CIAPIN1: variants seen among roughly 807,000 people sequenced by gnomAD.
CIAPIN1 encodes anamorsin.
A neutral mutation model predicts 34.3 loss-of-function variants in CIAPIN1; 18 were observed. The ratio of observed to expected loss-of-function variants is 0.52; its 90% CI spans 0.36 to 0.78. The LOEUF (loss-of-function observed/expected upper bound fraction) is 0.78. CIAPIN1 is among the 30% of genes least tolerant of loss of function. The pLI is 0.00. For missense variants in CIAPIN1, 310 were observed against 372.5 expected (o/e 0.83, Z 1.38); for synonymous variants, 131 against 140.4 (o/e 0.93, Z 0.47).
intron 1 of CIAPIN1, among the ~76,000 whole-genome samples, chr16:57,444,349 G>GCACA (rs1221506084): frequency 6.6e-6 from 1 of 152,168 alleles, no homozygotes; most frequent in Non-Finnish European, 1.5e-5. Context: ...GCAGGCTCTG[G>GCACA]CACACAGAGC....
intron 8 of CIAPIN1, among the ~76,000 whole-genome samples, chr16:57,429,659 T>C (rs1211146831): frequency 2.6e-5 from 4 of 151,686 alleles, no homozygotes; most frequent in African/African-American, 9.7e-5. Flanking sequence ...GCCCGGCAAA[T>C]TTTTTTGTAT....
intron 2 of CIAPIN1, 151 bp downstream of exon 2, chr16:57,440,621 G>A (rs917202209): frequency 1.0e-4 from 80 of 797,354 alleles, no homozygotes; most frequent in Admixed American, 2.4e-4. Context: ...TGGTTCCTCC[G>A]ATATATCTCA....
chr16:57,436,835 C>A, intron 3 of CIAPIN1, 103 bp from the exon 4 acceptor site: 1 of 832,322 alleles, frequency 1.2e-6, no homozygotes, highest in Admixed American at 2.4e-5. Flanking sequence ...ACAATAATAA[C>A]CAGGTGGGCG....
In CIAPIN1 at chr16:57,439,439, A is replaced by G; in HGVS notation, c.158-105T>C. 4 of 1,127,588 alleles carry G rather than the reference A, an allele frequency of 3.5e-6. No homozygotes were observed. In the South Asian group the frequency reaches 5.5e-5, roughly 16 times the overall value. 69.8% of individuals were successfully genotyped at this position (1,127,588 alleles called of 1,614,324 possible). A position where few individuals can be genotyped will look rare whatever the true frequency, so the allele number is the denominator to read the frequency against. ...TACAGACCTCACCCTGAGAGAATGG[A>G]CACCACTCGATATCCATCCAAGAAG... On this transcript the variant is annotated intron_variant, in intron 2 of 8. Coordinates refer to ENST00000394391, the MANE Select transcript of CIAPIN1 (RefSeq NM_020313.4).
intron 2 of CIAPIN1, 142 bp from the exon 3 acceptor site, chr16:57,439,476 G>T: frequency 2.6e-6 from 2 of 779,826 alleles, no homozygotes; most frequent in South Asian, 1.9e-5. Context: ...TGGATGAATA[G>T]TAAGTGTTTT....
intron 7 of CIAPIN1, 84 bp from the exon 8 acceptor site, chr16:57,430,423 G>T: frequency 7.7e-7 from 1 of 1,306,028 alleles, no homozygotes; most frequent in Non-Finnish European, 1.1e-6. Flanking sequence ...TGTGCTTTAA[G>T]CCTTTTCTCT....
rs147933186 is a variant in CIAPIN1, at chr16:57,434,830, T to C, written c.388-618A>G. Among the ~76,000 whole-genome samples, 3 of 152,344 alleles carry C rather than the reference T, an allele frequency of 2.0e-5. No homozygotes were observed. The East Asian group carries it at 5.8e-4, about 29-fold the overall frequency. On this transcript the variant is annotated intron_variant, in intron 4 of 8. Transcript: ENST00000394391. ...GTGATTGAACAATGTATACTTATGA[T>C]CTTATTTACATTTTTAAAAAAGTAT...
At chr16:57,430,563 C>G (rs1733022295) in intron 7 of CIAPIN1, 4 of 474,882 alleles carry the variant, frequency 8.4e-6, no homozygotes, top group Non-Finnish European at 1.5e-5. Flanking sequence ...CAGAGGGCAG[C>G]CACTACTCAA....
At chr16:57,433,544 C>T (rs529317646) in intron 5 of CIAPIN1, 4,897 of 155,748 alleles carry the variant, frequency 0.031, 257 homozygotes, top group African/African-American at 0.12. Flanking sequence ...TGTGTGTGTG[C>T]GTGCGCGTGC....
At chr16:57,435,462 A>C (rs1038589438) in intron 4 of CIAPIN1, among the ~76,000 whole-genome samples, 3 of 152,136 alleles carry the variant, frequency 2.0e-5, no homozygotes, top group Admixed American at 6.6e-5. Flanking sequence ...TTAAGCTAAA[A>C]GGAAAAATAA....
At chr16:57,432,746 T>G (rs1045333925) in intron 5 of CIAPIN1, among the ~76,000 whole-genome samples, 186 bp from the exon 6 acceptor site, 6 of 152,236 alleles carry the variant, frequency 3.9e-5, no homozygotes, top group Non-Finnish European at 7.3e-5. Context: ...TTGCTGATAG[T>G]TACAGAAGTC....
intron 4 of CIAPIN1, among the ~76,000 whole-genome samples, chr16:57,434,769 G>A (rs961500882): frequency 4.6e-5 from 7 of 152,160 alleles, no homozygotes; most frequent in African/African-American, 1.7e-4. Flanking sequence ...CACTGAAGTA[G>A]GTAAGTGTCT....
chr16:57,437,308 T>G (rs1903225685), intron 3 of CIAPIN1, among the ~76,000 whole-genome samples: 2 of 152,164 alleles, frequency 1.3e-5, no homozygotes, highest in South Asian at 4.1e-4. Context: ...CACTTTATTA[T>G]AAACAGGCTT....
At chr16:57,440,653 C>A in intron 2 of CIAPIN1, 119 bp downstream of exon 2, 1 of 1,111,366 alleles carries the variant, frequency 9.0e-7, no homozygotes. Context: ...ACAGGGTGAC[C>A]AGCCACCACT....
chr16:57,437,580 G>A (rs973537967), intron 3 of CIAPIN1, among the ~76,000 whole-genome samples: 59 of 151,866 alleles, frequency 3.9e-4, no homozygotes, highest in African/African-American at 1.4e-3. Context: ...CTGGAGTGCG[G>A]TGGCATGATC....
At chr16:57,441,263 C>A (rs536095712) in intron 1 of CIAPIN1, 1 of 174,138 alleles carries the variant, frequency 5.7e-6, no homozygotes, top group East Asian at 1.6e-4. Flanking sequence ...AAGATGATTT[C>A]CTCTTTGACC....
chr16:57,428,910 C>T lies in CIAPIN1; in HGVS notation c.*260G>A, dbSNP rs1392886438. 6.5e-5 allele frequency: 27 copies of T among 413,346 alleles called. No individual in the cohort carries two copies. The highest frequency in any genetic ancestry group is 7.9e-5 in the Non-Finnish European group (18 of 227,190). The allele number at this position is 413,346 out of a possible 1,614,324, so 25.6% of individuals were successfully genotyped here. A position where few individuals can be genotyped will look rare whatever the true frequency, so the allele number is the denominator to read the frequency against. On this transcript the variant is annotated 3_prime_UTR_variant, in exon 9 of 9. Coordinates refer to ENST00000394391, the MANE Select transcript of CIAPIN1 (RefSeq NM_020313.4). ...CATCAGAAGAAGGGCTTCTTCAGGA[C>T]ACACTCCCTTCTCTTAACATGAGGT...
chr16:57,439,040 T>C, intron 3 of CIAPIN1, 142 bp downstream of exon 3: 1 of 807,428 alleles, frequency 1.2e-6, no homozygotes. Context: ...CTTCAGATTT[T>C]AACAATAATT....
At chr16:57,442,341 T>A (rs148075977) in intron 1 of CIAPIN1, among the ~76,000 whole-genome samples, 2 of 151,982 alleles carry the variant, frequency 1.3e-5, no homozygotes, top group East Asian at 3.9e-4. Flanking sequence ...CGAGACTCCG[T>A]CTCAAAATAA....
Sources: gnomAD v4.1 joint callset for allele counts (sites outside exome capture counted in the v4.1 genomes callset) on GRCh38, gnomAD v4.1.1 for gene constraint, MANE v1.5 for transcripts, NCBI Gene and HGNC (gene_info 2026-07-23, HGNC 2026-07-21) for gene names.